The following CELF2 variants were observed in gnomAD, a reference collection of about 807,000 sequenced individuals.
CELF2 encodes CUGBP Elav-like family member 2.
CELF2 carries 8 observed loss-of-function variants against 62.6 expected under a neutral mutation model. The ratio of observed to expected loss-of-function variants is 0.13; its 90% confidence interval spans 0.07 to 0.23. The LOEUF (loss-of-function observed/expected upper bound fraction) is 0.23. Ranked by LOEUF, CELF2 falls within the 10% of genes least tolerant of loss-of-function variation. The pLI, the probability that CELF2 is intolerant of heterozygous loss-of-function variation, is 1.00. For missense variants in CELF2, 333 were observed against 671.0 expected, an observed-to-expected ratio of 0.50 and a Z score of 5.56; for synonymous variants, 258 against 250.0, an observed-to-expected ratio of 1.03 and a Z score of -0.30.
the CELF2 span, among the ~76,000 whole-genome samples, chr10:10,530,769 T>C: frequency 6.6e-6 from 1 of 152,234 alleles, no homozygotes; most frequent in Non-Finnish European, 1.5e-5. Flanking sequence ...GAAGAAAGAT[T>C]TCTGAAGTGG....
At chr10:10,825,734 C>T (rs1195318473) in intron 1 of CELF2, among the ~76,000 whole-genome samples, 1 of 152,162 alleles carries the variant, frequency 6.6e-6, no homozygotes, top group African/African-American at 2.4e-5. Context: ...CTGAGCCTCC[C>T]AGGCTGTGTC....
In CELF2 at chr10:10,908,310, C is replaced by G. The variant is rs546142313; in HGVS notation, c.54-11654C>G. Reference sequence around the variant, plus strand: ...TCTTGGCTCACTGCAAGCTCCACCTCCCAGGTTCACGCCATTCTCCTGCCT... The same window carrying G: ...TCTTGGCTCACTGCAAGCTCCACCTGCCAGGTTCACGCCATTCTCCTGCCT... On this transcript the variant is annotated intron_variant, in intron 1 of 13. Transcript: ENST00000636488. Among the ~76,000 whole-genome samples the G allele has an allele frequency of 7.1e-5, 10 of 141,210 alleles. No individual in the cohort carries two copies. The South Asian group carries it at 9.3e-4, about 13-fold the overall frequency. 92.6% of individuals were successfully genotyped at this position (141,210 alleles called of 152,430 possible).
chr10:11,183,246 C>G (rs2073964084), intron 2 of CELF2, among the ~76,000 whole-genome samples: 1 of 152,298 alleles, frequency 6.6e-6, no homozygotes, highest in Admixed American at 6.5e-5. Flanking sequence ...GATCTGGCTT[C>G]CTTTGCTCAG....
At chr10:11,312,676 C>G (rs551749675) in intron 9 of CELF2, among the ~76,000 whole-genome samples, 1 of 152,344 alleles carries the variant, frequency 6.6e-6, no homozygotes, top group Non-Finnish European at 1.5e-5. Flanking sequence ...AGGCTCACAC[C>G]TGTAATCCCA....
intron 3 of CELF2, among the ~76,000 whole-genome samples, chr10:11,241,361 A>C (rs1193831720): frequency 6.6e-6 from 1 of 152,052 alleles, no homozygotes; most frequent in Non-Finnish European, 1.5e-5. Flanking sequence ...CACCATGCCC[A>C]GCTAATTTTT....
Position 11,089,449 on chromosome 10 carries a change from G to A in CELF2, c.74+71286G>A, listed in dbSNP as rs553631398. Among the ~76,000 whole-genome samples, 31 of 152,306 alleles carry A rather than the reference G, an allele frequency of 2.0e-4. No individual in the cohort carries two copies. In the South Asian group the frequency reaches 2.5e-3, roughly 12 times the overall value. On this transcript the variant is annotated intron_variant, in intron 1 of 12. Coordinates refer to ENST00000633077, the MANE Select transcript of CELF2 (RefSeq NM_001326342.2). ...GCAGAGATAGTGGCCAGAGATAAGC[G>A]TAACTGCTGCAGGCATCTCGACATT...
intron 1 of CELF2, among the ~76,000 whole-genome samples, chr10:10,916,230 G>C (rs117828435): frequency 1.3e-5 from 2 of 152,162 alleles, no homozygotes; most frequent in Non-Finnish European, 2.9e-5. Context: ...AGTGTTTGTC[G>C]ATTTGCTGGT....
At chr10:10,908,075 G>A (rs1449067120) in intron 1 of CELF2, among the ~76,000 whole-genome samples, 4 of 151,982 alleles carry the variant, frequency 2.6e-5, no homozygotes, top group Non-Finnish European at 5.9e-5. Flanking sequence ...TACTGATGCC[G>A]CCCGGCCTGC....
chr10:10,701,451 A>G, the CELF2 span, among the ~76,000 whole-genome samples: 1 of 152,222 alleles, frequency 6.6e-6, no homozygotes, highest in African/African-American at 2.4e-5. Flanking sequence ...CTTATCACCC[A>G]ATAGCTGAGT....
the CELF2 span, among the ~76,000 whole-genome samples, chr10:10,759,432 C>T: frequency 6.6e-6 from 1 of 151,318 alleles, no homozygotes; most frequent in Non-Finnish European, 1.5e-5. Context: ...ACCTCAGGCT[C>T]CCAAGTACCT....
intron 1 of CELF2, among the ~76,000 whole-genome samples, chr10:11,035,590 G>A (rs1255187979): frequency 2.0e-5 from 3 of 152,194 alleles, no homozygotes; most frequent in East Asian, 1.9e-4. Context: ...GCCCTGGGGT[G>A]CCTAGGTATA....
intron 1 of CELF2, among the ~76,000 whole-genome samples, chr10:11,083,070 T>A (rs1297358035): frequency 6.6e-6 from 1 of 152,258 alleles, no homozygotes; most frequent in Non-Finnish European, 1.5e-5. Context: ...ATCGTAACCC[T>A]GGGTCCCATC....
chr10:10,735,919 C>T, the CELF2 span, among the ~76,000 whole-genome samples: 34,281 of 152,028 alleles, frequency 0.23, 4,116 homozygotes, highest in Non-Finnish European at 0.26. Flanking sequence ...ATCTTCTGCA[C>T]CTAAAATTCA....
chr10:11,310,514 T>C (rs1472933226), intron 9 of CELF2, among the ~76,000 whole-genome samples: 3 of 152,168 alleles, frequency 2.0e-5, no homozygotes, highest in African/African-American at 7.2e-5. Context: ...GGTTGGTTTT[T>C]ATTATTTTTA....
chr10:10,884,366 T>C (rs143511147), intron 1 of CELF2, among the ~76,000 whole-genome samples: 1 of 152,308 alleles, frequency 6.6e-6, no homozygotes, highest in Non-Finnish European at 1.5e-5. Context: ...CTGGAAGGTA[T>C]TGTGTGATGT....
At chr10:10,489,006 C>T in the CELF2 span, among the ~76,000 whole-genome samples, 1 of 152,042 alleles carries the variant, frequency 6.6e-6, no homozygotes, top group Non-Finnish European at 1.5e-5. Context: ...TTCCTCCAAG[C>T]AAGGCTATGG....
intron 1 of CELF2, among the ~76,000 whole-genome samples, chr10:11,093,171 A>C (rs890090815): frequency 9.2e-5 from 14 of 152,192 alleles, no homozygotes; most frequent in African/African-American, 3.4e-4. Flanking sequence ...TGAGTTCTAC[A>C]GAAGAAGAAG....
Position 11,217,471 on chromosome 10 carries a change from C to T in CELF2, c.318C>T (p.Ala106=). ...ATACAAGAAAAGCTGCACTTGAGGC[C>T]CAGAATGCACTGCACAATATTAAAA... ...TFYTRKAALE[A]QNALHNIKTL... Residue 106 remains alanine, a synonymous_variant, in exon 3 of 13, where the codon GCC becomes GCT. Coordinates refer to ENST00000633077, the MANE Select transcript of CELF2 (RefSeq NM_001326342.2). The surrounding 1 kb of genome is among the most constrained non-coding windows in gnomAD (Gnocchi z 5.6). 1.9e-6 allele frequency: 3 copies of T among 1,612,638 alleles called. No individual in the cohort carries two copies. The highest frequency in any genetic ancestry group is 2.5e-6 in the Non-Finnish European group (3 of 1,179,026).
At chr10:10,817,376 T>C (rs898560728) in intron 1 of CELF2, among the ~76,000 whole-genome samples, 1 of 152,204 alleles carries the variant, frequency 6.6e-6, no homozygotes, top group African/African-American at 2.4e-5. Context: ...TTGTTGACTA[T>C]AGTCATTCCC....
Sources: allele counts gnomAD v4.1 joint callset (sites outside exome capture counted in the v4.1 genomes callset), GRCh38; gene constraint gnomAD v4.1.1; non-coding constraint Gnocchi (gnomAD v3.1); transcripts MANE v1.5; gene names NCBI Gene and HGNC (gene_info 2026-07-23, HGNC 2026-07-21).